Variants in EYA4 observed in about 807,000 individuals in gnomAD.
EYA4 encodes the protein protein phosphatase EYA4.
A neutral mutation model predicts 87.9 loss-of-function variants in EYA4; 31 were observed. The ratio of observed to expected loss-of-function variants is 0.35; its 90% confidence interval spans 0.27 to 0.48. The LOEUF is 0.48. Ranked by LOEUF, EYA4 falls within the 20% of genes least tolerant of loss-of-function variation. The pLI is 0.99. For missense variants in EYA4, 678 were observed against 761.4 expected (o/e 0.89, Z 1.29); for synonymous variants, 263 against 270.6 (o/e 0.97, Z 0.28).
At chr6:133,506,216 A>T (rs2277083) in intron 14 of EYA4, 21 bp downstream of exon 14, 1 of 1,334,434 alleles carries the variant, frequency 7.5e-7, no homozygotes, top group South Asian at 1.2e-5. Flanking sequence ...TACAAGGTAC[A>T]AATAGTTGTA....
intron 3 of EYA4, among the ~76,000 whole-genome samples, chr6:133,402,434 A>T (rs1302989274): frequency 6.6e-6 from 1 of 152,112 alleles, no homozygotes; most frequent in Non-Finnish European, 1.5e-5. Flanking sequence ...TACCCTTTTT[A>T]TTCCCTGTCT....
At chr6:133,442,785 T>C (rs1257798824) in intron 3 of EYA4, among the ~76,000 whole-genome samples, 3 of 152,188 alleles carry the variant, frequency 2.0e-5, no homozygotes, top group Non-Finnish European at 4.4e-5. Flanking sequence ...ATATAAGCTA[T>C]AGACTTTTCA....
intron 14 of EYA4, 31 bp downstream of exon 14, chr6:133,506,226 A>G (rs1475312431): frequency 8.5e-7 from 1 of 1,172,466 alleles, no homozygotes; most frequent in Non-Finnish European, 1.3e-6. Flanking sequence ...AAATAGTTGT[A>G]TCCAACACCA....
chr6:133,419,193 C>T (rs1790008013), intron 3 of EYA4, among the ~76,000 whole-genome samples: 1 of 152,210 alleles, frequency 6.6e-6, no homozygotes, highest in Non-Finnish European at 1.5e-5. Flanking sequence ...ACTGTTTTTA[C>T]TTACATAAAC....
chr6:133,469,530 G>C (rs1795145767), intron 11 of EYA4, among the ~76,000 whole-genome samples: 1 of 151,932 alleles, frequency 6.6e-6, no homozygotes, highest in African/African-American at 2.4e-5. Flanking sequence ...GGAGAGTCCA[G>C]AAACAGATGC....
chr6:133,505,044 C>T (rs1322934247), intron 13 of EYA4, among the ~76,000 whole-genome samples: 1 of 152,150 alleles, frequency 6.6e-6, no homozygotes, highest in Non-Finnish European at 1.5e-5. Context: ...TTATTCAAAA[C>T]CTTATTCTTC....
chr6:133,500,201 T>C (rs1797985918), intron 13 of EYA4, among the ~76,000 whole-genome samples: 1 of 151,938 alleles, frequency 6.6e-6, no homozygotes, highest in South Asian at 2.1e-4. Context: ...GCATGACTGA[T>C]GCGTGGACCC....
chr6:133,297,146 T>C (rs1779006839), intron 2 of EYA4, among the ~76,000 whole-genome samples: 1 of 152,224 alleles, frequency 6.6e-6, no homozygotes, highest in South Asian at 2.1e-4. Context: ...TTTTTGTTTT[T>C]TATGAATGTG....
intron 3 of EYA4, among the ~76,000 whole-genome samples, chr6:133,437,320 C>T (rs1791782075): frequency 6.6e-6 from 1 of 152,068 alleles, no homozygotes. Context: ...ATTGTGATTT[C>T]ATGGTGTGAA....
At chr6:133,474,030 G>A (rs776610243) in intron 11 of EYA4, among the ~76,000 whole-genome samples, 2 of 152,046 alleles carry the variant, frequency 1.3e-5, no homozygotes, top group Non-Finnish European at 2.9e-5. Context: ...CTTCAGGGAA[G>A]GAGATATTTC....
At chr6:133,267,600 C>T (rs1405436594) in intron 1 of EYA4, among the ~76,000 whole-genome samples, 2 of 152,172 alleles carry the variant, frequency 1.3e-5, no homozygotes, top group Admixed American at 1.3e-4. Context: ...TCAGGCTGGT[C>T]TCGAACTCCT....
chr6:133,482,054 G>A (rs919138035), intron 12 of EYA4, among the ~76,000 whole-genome samples: 3 of 152,158 alleles, frequency 2.0e-5, no homozygotes, highest in African/African-American at 7.2e-5. Flanking sequence ...TCACTTAATA[G>A]TATGTGTTAA....
chr6:133,418,818 C>CT (rs34627302), intron 3 of EYA4, among the ~76,000 whole-genome samples: 53 of 151,358 alleles, frequency 3.5e-4, no homozygotes, highest in Non-Finnish European at 5.4e-4. Flanking sequence ...CTGTATATTT[C>CT]TTTTTTTTGA....
At chr6:133,351,136 A>G (rs1783609912) in intron 2 of EYA4, among the ~76,000 whole-genome samples, 1 of 152,166 alleles carries the variant, frequency 6.6e-6, no homozygotes, top group Non-Finnish European at 1.5e-5. Flanking sequence ...CTTAAATTTT[A>G]GAGGCTTGTT....
At chr6:133,286,555 T>C (rs959991992) in intron 2 of EYA4, among the ~76,000 whole-genome samples, 2 of 151,948 alleles carry the variant, frequency 1.3e-5, no homozygotes, top group African/African-American at 4.9e-5. Context: ...ATAGACTGTA[T>C]GTGGCCACAT....
intron 2 of EYA4, among the ~76,000 whole-genome samples, chr6:133,319,546 A>G (rs969654690): frequency 3.4e-5 from 5 of 146,546 alleles, no homozygotes; most frequent in African/African-American, 1.2e-4. Context: ...ATTATTTTTA[A>G]TTAAACTTTT....
At chr6:133,256,955 G>T (rs191462136) in intron 1 of EYA4, among the ~76,000 whole-genome samples, 48 of 151,724 alleles carry the variant, frequency 3.2e-4, no homozygotes, top group East Asian at 7.7e-4. Context: ...TTTTTGTGGG[G>T]TTTTTTTTCC....
At chr6:133,372,580 T>G (rs1785352649) in intron 2 of EYA4, among the ~76,000 whole-genome samples, 2 of 151,838 alleles carry the variant, frequency 1.3e-5, no homozygotes, top group Admixed American at 6.6e-5. Context: ...ATACATTTTT[T>G]TTTATTGTAT....
chr6:133,241,865 G>T (rs543212951), intron 1 of EYA4, 116 bp downstream of exon 1: 17 of 152,198 alleles, frequency 1.1e-4, no homozygotes, highest in Non-Finnish European at 1.9e-4. Flanking sequence ...GCCGAGCGCT[G>T]GGTACTGAGG....
Sources: allele counts gnomAD v4.1 joint callset (sites outside exome capture counted in the v4.1 genomes callset), GRCh38; gene constraint gnomAD v4.1.1; transcripts MANE v1.5; gene names NCBI Gene and HGNC (gene_info 2026-07-23, HGNC 2026-07-21).